Variants in ADGRL2 observed in about 807,000 individuals in gnomAD.
ADGRL2 encodes the protein calcium-independent alpha-latrotoxin receptor 2.
A neutral mutation model predicts 157.4 loss-of-function variants in ADGRL2; 44 were observed. The observed-to-expected ratio is 0.28, with a 90% CI of 0.22 to 0.36. The LOEUF is 0.36. ADGRL2 is among the 10% of genes least tolerant of loss of function. The probability of loss-of-function intolerance (pLI) is 1.00; values close to 1 mark genes in which losing one functional copy is unlikely to be tolerated. For missense variants in ADGRL2, 1,510 were observed against 1,768.9 expected, an observed-to-expected ratio of 0.85 and a Z score of 2.63; for synonymous variants, 585 against 624.7, an observed-to-expected ratio of 0.94 and a Z score of 0.95.
intron 2 of ADGRL2, among the ~76,000 whole-genome samples, chr1:81,905,228 A>G (rs1009227917): frequency 6.6e-6 from 1 of 151,422 alleles, no homozygotes; most frequent in African/African-American, 2.4e-5. Flanking sequence ...CTCCCTAGTA[A>G]CTGGGATTAC....
intron 1 of ADGRL2, among the ~76,000 whole-genome samples, chr1:81,415,899 G>T (rs927418407): frequency 3.3e-5 from 5 of 150,556 alleles, no homozygotes; most frequent in Non-Finnish European, 7.4e-5. Flanking sequence ...GGAGTACAGT[G>T]GTGCGATCTC....
intron 2 of ADGRL2, among the ~76,000 whole-genome samples, chr1:81,455,533 T>C (rs896068845): frequency 1.3e-5 from 2 of 152,172 alleles, no homozygotes; most frequent in Non-Finnish European, 2.9e-5. Flanking sequence ...GAAAAACACC[T>C]AGTGTTTTTC....
intron 1 of ADGRL2, among the ~76,000 whole-genome samples, chr1:81,394,341 A>G (rs1350168412): frequency 2.0e-5 from 3 of 152,190 alleles, no homozygotes; most frequent in African/African-American, 7.2e-5. Context: ...GCCTCCATTA[A>G]ACAAACTTTG....
chr1:81,615,353 C>T (rs914609445), intron 3 of ADGRL2, among the ~76,000 whole-genome samples: 1 of 152,206 alleles, frequency 6.6e-6, no homozygotes, highest in African/African-American at 2.4e-5. Context: ...CACTTGGGTC[C>T]CCTTCTATGC....
intron 2 of ADGRL2, among the ~76,000 whole-genome samples, chr1:81,447,199 C>T (rs2077613492): frequency 6.6e-6 from 1 of 151,276 alleles, no homozygotes; most frequent in East Asian, 1.9e-4. Flanking sequence ...ATACCATTCC[C>T]AGATGATACT....
intron 19 of ADGRL2, 22 bp from the exon 20 acceptor site, chr1:81,984,561 G>A (rs1662610290): frequency 1.4e-5 from 22 of 1,576,052 alleles, no homozygotes; most frequent in Non-Finnish European, 1.8e-5. Context: ...TAATCCCTTG[G>A]TCTTGTGATT....
intron 2 of ADGRL2, among the ~76,000 whole-genome samples, chr1:81,554,448 C>T (rs2080223472): frequency 6.6e-6 from 1 of 152,048 alleles, no homozygotes; most frequent in Non-Finnish European, 1.5e-5. Flanking sequence ...TTTCACCTGT[C>T]CTGCTATTTC....
chr1:81,597,281 T>C (rs994314770), intron 3 of ADGRL2, among the ~76,000 whole-genome samples: 2 of 152,190 alleles, frequency 1.3e-5, no homozygotes, highest in Non-Finnish European at 2.9e-5. Flanking sequence ...CTTCCTATCT[T>C]ACATATTACT....
intron 1 of ADGRL2, among the ~76,000 whole-genome samples, chr1:81,376,470 C>A (rs2076251838): frequency 6.6e-6 from 1 of 152,170 alleles, no homozygotes; most frequent in African/African-American, 2.4e-5. Context: ...GGTGATATAA[C>A]CTGGTTAATA....
intron 9 of ADGRL2, among the ~76,000 whole-genome samples, chr1:81,952,553 T>C (rs1652182521): frequency 6.6e-6 from 1 of 152,158 alleles, no homozygotes; most frequent in Non-Finnish European, 1.5e-5. Flanking sequence ...TTTCTTTCAA[T>C]GGCAGCTTTT....
chr1:81,703,951 T>C (rs1424059136), intron 1 of ADGRL2, among the ~76,000 whole-genome samples: 1 of 152,198 alleles, frequency 6.6e-6, no homozygotes, highest in Non-Finnish European at 1.5e-5. Flanking sequence ...AGGAGGCCAA[T>C]AAGCCACAAA....
intron 2 of ADGRL2, among the ~76,000 whole-genome samples, chr1:81,870,212 C>CAAACA (rs60068693): frequency 0.99 from 149,949 of 151,834 alleles, 74,071 homozygotes; most frequent in Middle Eastern, 1. Context: ...AGATGATTTG[C>CAAACA]AAACAAAACA....
intron 21 of ADGRL2, among the ~76,000 whole-genome samples, chr1:81,986,452 C>T (rs1663184448): frequency 6.6e-6 from 1 of 151,986 alleles, no homozygotes; most frequent in African/African-American, 2.4e-5. Context: ...TCCTCCTGCT[C>T]AGTTGGTATT....
At chr1:81,399,662 T>C (rs1246451173) in intron 1 of ADGRL2, among the ~76,000 whole-genome samples, 1 of 152,218 alleles carries the variant, frequency 6.6e-6, no homozygotes, top group Non-Finnish European at 1.5e-5. Context: ...CCTTGCTACA[T>C]TTCTTGTTCA....
In ADGRL2 at chr1:81,356,253, C is replaced by T. The variant is rs148509570; in HGVS notation, c.-302+49744C>T. ...TGTTAAAAAATTAAAGATGCTGAAA[C>T]GCACATAAAATTTCACTGAGGCTTA... On this transcript the variant is annotated intron_variant, in intron 1 of 24. Coordinates refer to the ADGRL2 transcript ENST00000370721. Among the ~76,000 whole-genome samples, 7 of 152,274 alleles carry T rather than the reference C, an allele frequency of 4.6e-5. No individual in the cohort carries two copies. In the East Asian group the frequency reaches 1.2e-3, roughly 25 times the overall value.
At chr1:81,309,657 T>C (rs1457592882) in intron 1 of ADGRL2, among the ~76,000 whole-genome samples, 2 of 152,176 alleles carry the variant, frequency 1.3e-5, no homozygotes, top group African/African-American at 4.8e-5. Context: ...ACACAGGTTT[T>C]AGAAGTTGTT....
intron 1 of ADGRL2, among the ~76,000 whole-genome samples, chr1:81,760,160 G>A (rs983760913): frequency 9.2e-5 from 14 of 152,052 alleles, no homozygotes; most frequent in African/African-American, 2.9e-4. Context: ...ATATGTGTGG[G>A]TGGAGGCAAG....
Position 81,907,029 on chromosome 1 carries a change from C to T in ADGRL2, c.86C>T (p.Ala29Val), listed in dbSNP as rs2094597932. 3.7e-6 allele frequency: 6 copies of T among 1,613,120 alleles called. No individual in the cohort carries two copies. The African/African-American group carries it at 6.7e-5, about 18-fold the overall frequency. Reference protein sequence around the residue: ...FLPNTEGFSRAALPFGLVRRE... With the variant: ...FLPNTEGFSRVALPFGLVRRE... Reference sequence around the variant, plus strand: ...TTTTTATTTTAAGGTTTCAGCAGAGCAGCTTTACCATTTGGGCTGGTGAGG... The same window carrying T: ...TTTTTATTTTAAGGTTTCAGCAGAGTAGCTTTACCATTTGGGCTGGTGAGG... The change falls in exon 3 of 24, where the codon GCA becomes GTA. Residue 29 changes from alanine (A) to valine (V), a missense_variant. Physicochemically the swap from Ala to Val is moderately conservative, Grantham distance 64. Transcript: ENST00000686636.
chr1:81,881,627 G>T (rs774934636), intron 2 of ADGRL2, among the ~76,000 whole-genome samples: 8 of 152,178 alleles, frequency 5.3e-5, no homozygotes, highest in Non-Finnish European at 1.0e-4. Flanking sequence ...GCCAGGGTAA[G>T]CTGAGATCTC....
Sources: gnomAD v4.1 joint callset for allele counts (sites outside exome capture counted in the v4.1 genomes callset) on GRCh38, gnomAD v4.1.1 for gene constraint, MANE v1.5 for transcripts, NCBI Gene and HGNC (gene_info 2026-07-23, HGNC 2026-07-21) for gene names.